The following AAMP variants were observed in gnomAD, a reference collection of about 807,000 sequenced individuals.
The protein encoded by AAMP is angio associated migratory cell protein, also known as angio-associated migratory cell protein.
In AAMP, 12 loss-of-function variants were observed where a neutral mutation model predicts 51.1. The ratio of observed to expected loss-of-function variants is 0.23; its 90% CI spans 0.15 to 0.38. The LOEUF is 0.38. Among genes scored for constraint, AAMP ranks in the 10% least tolerant of loss-of-function variants. AAMP has a pLI of 1.00. For synonymous variants in AAMP, 210 were observed against 218.7 expected, an observed-to-expected ratio of 0.96 and a Z score of 0.35; for missense variants, 418 against 557.2, an observed-to-expected ratio of 0.75 and a Z score of 2.52.
At chr2:218,269,739 G>A (rs1310746638) in intron 1 of AAMP, 2 of 1,027,638 alleles carry the variant, frequency 1.9e-6, no homozygotes, top group Non-Finnish European at 2.8e-6. Flanking sequence ...GGGCCAAGGG[G>A]ATGATGGGAA....
In AAMP at chr2:218,266,754, G is replaced by A. The variant is rs1690639541; in HGVS notation, c.534+93C>T. 25 of 1,583,456 alleles carry A rather than the reference G, an allele frequency of 1.6e-5. No homozygotes were observed. Among genetic ancestry groups the A allele is most frequent in the Non-Finnish European group, 2.2e-5 (25 of 1,161,276 alleles). ...CTTGGGGCGCATTGGCTCAGAGCTG[G>A]CTTGGCGCAATAAAGGCAGAACTGG... On this transcript the variant is annotated intron_variant, in intron 4 of 10. Coordinates refer to ENST00000248450, the MANE Select transcript of AAMP (RefSeq NM_001087.5). The surrounding 1 kb of genome is among the most constrained non-coding windows in gnomAD (Gnocchi z 4.7).
rs1019489538 is a variant in AAMP at position 218,266,650 on chromosome 2, C to T, written c.535-63G>A. On this transcript the variant is annotated intron_variant, in intron 4 of 10. Transcript: ENST00000248450. The surrounding 1 kb of genome is among the most constrained non-coding windows in gnomAD (Gnocchi z 4.7). ...CCCCATCCCACCTAGAAGCCTGCCCCATGAGCTCCACCCAAGGTTTCCTGC... is the reference window on the plus strand; with the variant it reads ...CCCCATCCCACCTAGAAGCCTGCCCTATGAGCTCCACCCAAGGTTTCCTGC... 16 of 1,573,876 alleles carry T rather than the reference C, an allele frequency of 1.0e-5. No individual in the cohort carries two copies. The African/African-American group carries it at 1.4e-4, about 13-fold the overall frequency.
Position 218,270,118 on chromosome 2 carries a change from C to G in AAMP, c.-32G>C. On this transcript the variant is annotated 5_prime_UTR_variant, in exon 1 of 11. Coordinates refer to ENST00000248450, the MANE Select transcript of AAMP (RefSeq NM_001087.5). ...CAAGCGGCGGATCCACTTCTCTGGG[C>G]CCAAACGCCTCCCAGAGTCAGCTCT... The G allele has an allele frequency of 6.2e-7, 1 of 1,610,886 alleles. No homozygotes were observed. The highest frequency in any genetic ancestry group is 8.5e-7 in the Non-Finnish European group (1 of 1,178,372).
At position 218,266,972 on chromosome 2, in the gene AAMP, C is replaced by T; in HGVS notation, c.409G>A (p.Val137Met). 1.2e-6 allele frequency: 2 copies of T among 1,614,130 alleles called. No individual in the cohort carries two copies. The highest frequency in any genetic ancestry group is 1.7e-6 in the Non-Finnish European group (2 of 1,179,990). The part of the protein sequence containing the change: ...LFECAGHKDS[V>M]TCAGFSHDST... ...TCATGGCTGAAACCAGCACAAGTCACAGAGTCTTTATGGCCTTCAAAGAAA... is the reference window on the plus strand; with the variant it reads ...TCATGGCTGAAACCAGCACAAGTCATAGAGTCTTTATGGCCTTCAAAGAAA... The change falls in exon 4 of 11, where the codon GTG (valine) becomes ATG (methionine). Residue 137 changes from valine (V) to methionine (M), a missense_variant. Transcript: ENST00000248450. This position sits in a 1 kb window ranked among gnomAD's most constrained non-coding sequence, Gnocchi z 4.7.
chr2:218,265,543 C>A lies in AAMP; in HGVS notation c.983+36G>T, dbSNP rs762133951. 21 of 1,596,356 alleles carry A rather than the reference C, an allele frequency of 1.3e-5. No homozygotes were observed. Among genetic ancestry groups the A allele is most frequent in the Non-Finnish European group, 6.9e-6 (8 of 1,164,202 alleles). On this transcript the variant is annotated intron_variant, in intron 8 of 10. Coordinates refer to ENST00000248450, the MANE Select transcript of AAMP (RefSeq NM_001087.5). This position sits in a 1 kb window ranked among gnomAD's most constrained non-coding sequence, Gnocchi z 6.6. ...CGTCCTCCCGGGCCCCCAGCCCAGG[C>A]CCCTCCCACAAACCCCTTTCCCCAT...
At position 218,270,032 on chromosome 2, in the gene AAMP, G is replaced by C; in HGVS notation, c.55C>G (p.Leu19Val). 1 of 1,614,158 alleles carries C rather than the reference G, an allele frequency of 6.2e-7. No individual in the cohort carries two copies. The highest frequency in any genetic ancestry group is 8.5e-7 in the Non-Finnish European group (1 of 1,180,020). The change falls in exon 1 of 11, where the codon CTA becomes GTA. Residue 19 changes from leucine (L) to valine (V), a missense_variant. Coordinates refer to ENST00000248450, the MANE Select transcript of AAMP (RefSeq NM_001087.5). ...AAADTPPLET[L>V]SFHGDEEIIE... is the part of the protein sequence containing the mutation. ...ATCTCTTCATCACCATGGAAGCTTA[G>C]GGTCTCCAGTGGGGGGGTGTCAGCA... is the stretch of plus-strand genomic sequence containing the variant.
Position 218,270,131 on chromosome 2 carries a change from C to G in AAMP, c.-45G>C. 1.2e-6 allele frequency: 2 copies of G among 1,607,412 alleles called. No homozygotes were observed. The highest frequency in any genetic ancestry group is 1.1e-5 in the South Asian group (1 of 90,480). Reference sequence around the variant, plus strand: ...CACTTCTCTGGGCCCAAACGCCTCCCAGAGTCAGCTCTGCGCGACGACGCG... The same window carrying G: ...CACTTCTCTGGGCCCAAACGCCTCCGAGAGTCAGCTCTGCGCGACGACGCG... On this transcript the variant is annotated 5_prime_UTR_variant, in exon 1 of 11. Transcript: ENST00000248450.
At chr2:218,268,073 A>G (rs13386932) in intron 2 of AAMP, among the ~76,000 whole-genome samples, 6,047 of 151,842 alleles carry the variant, frequency 0.04, 174 homozygotes, top group Non-Finnish European at 0.063. Context: ...GGTTCAAGCA[A>G]TTCTCCTGCC....
chr2:218,265,527 GGGCCCCCAGCCCA>G lies in AAMP; in HGVS notation c.983+39_983+51del. ...GACTCACACGCCCTGCCGTCCTCCC[GGGCCCCCAGCCCA>G]GGCCCCTCCCACAAACCCCTTTCCC... On this transcript the variant is annotated intron_variant, in intron 8 of 10. Transcript: ENST00000248450. The surrounding 1 kb of genome is among the most constrained non-coding windows in gnomAD (Gnocchi z 6.6). 1 of 1,591,918 alleles carries G rather than the reference GGGCCCCCAGCCCA, an allele frequency of 6.3e-7. No individual in the cohort carries two copies. Among genetic ancestry groups the G allele is most frequent in the Non-Finnish European group, 8.6e-7 (1 of 1,160,896 alleles).
intron 1 of AAMP, 75 bp downstream of exon 1, chr2:218,269,891 A>T: frequency 1.3e-6 from 2 of 1,597,988 alleles, no homozygotes; most frequent in Admixed American, 3.4e-5. Context: ...TGTGGAGGGG[A>T]GCGGGGAAAA....
chr2:218,269,659 C>T (rs1250204851), intron 1 of AAMP, 125 bp from the exon 2 acceptor site: 6 of 1,502,104 alleles, frequency 4.0e-6, no homozygotes, highest in Non-Finnish European at 5.5e-6. Context: ...TCAGACACAC[C>T]GGGGTCCGCG....
Position 218,266,206 on chromosome 2 carries a change from G to T in AAMP, c.680-59C>A, listed in dbSNP as rs969211414. On this transcript the variant is annotated intron_variant, in intron 5 of 10. Transcript: ENST00000248450. This position sits in a 1 kb window ranked among gnomAD's most constrained non-coding sequence, Gnocchi z 4.7. ...GGCACGCTCACATACACTAAGCAAG[G>T]GAATGGGGAGAGGGAGAGGAAAGAA... 49 of 1,505,778 alleles carry T rather than the reference G, an allele frequency of 3.3e-5. No homozygotes were observed. The highest frequency in any genetic ancestry group is 4.5e-5 in the Non-Finnish European group (49 of 1,082,934). 93.3% of individuals were successfully genotyped at this position (1,505,778 alleles called of 1,614,324 possible). A position where few individuals can be genotyped will look rare whatever the true frequency, so the allele number is the denominator to read the frequency against.
chr2:218,264,678 G>T, intron 10 of AAMP, 70 bp from the exon 11 acceptor site: 7 of 1,361,900 alleles, frequency 5.1e-6, no homozygotes, highest in Non-Finnish European at 7.4e-6. Flanking sequence ...CCCTAGGGTG[G>T]GCTCCTCCAG....
At position 218,265,983 on chromosome 2, in the gene AAMP, T is replaced by C. The variant is rs3941672; in HGVS notation, c.764-37A>G. 2 of 1,609,600 alleles carry C rather than the reference T, an allele frequency of 1.2e-6. No homozygotes were observed. The highest frequency in any genetic ancestry group is 1.7e-6 in the Non-Finnish European group (2 of 1,176,006). On this transcript the variant is annotated intron_variant, in intron 6 of 10. Transcript: ENST00000248450. This position sits in a 1 kb window ranked among gnomAD's most constrained non-coding sequence, Gnocchi z 6.6. ...CAGGGAGGCAGCTCAGGCTTCGTCC[T>C]ACCTCCCCTCTGAGTCCTGCCCCAG...
At chr2:218,268,931 T>C (rs1038085154) in intron 2 of AAMP, among the ~76,000 whole-genome samples, 2 of 152,080 alleles carry the variant, frequency 1.3e-5, no homozygotes, top group Non-Finnish European at 2.9e-5. Flanking sequence ...ACTCCCGACC[T>C]TGTGATCCGC....
In AAMP at chr2:218,264,220, G is replaced by A. The variant is rs539467132; in HGVS notation, c.*313C>T. 4.5e-4 allele frequency: 182 copies of A among 403,798 alleles called. No homozygotes were observed. The highest frequency in any genetic ancestry group is 3.4e-3 in the Middle Eastern group (5 of 1,460). The allele number at this position is 403,798 out of a possible 1,614,324, so 25.0% of individuals were successfully genotyped here. On this transcript the variant is annotated 3_prime_UTR_variant, in exon 11 of 11. Coordinates refer to ENST00000248450, the MANE Select transcript of AAMP (RefSeq NM_001087.5). Reference sequence around the variant, plus strand: ...CCAGAGACTTGGGAAGGGAAAGAACGGGAACCTCAAACACCTACTCCCCAC... The same window carrying A: ...CCAGAGACTTGGGAAGGGAAAGAACAGGAACCTCAAACACCTACTCCCCAC...
chr2:218,269,473 G>T lies in AAMP; in HGVS notation c.183C>A (p.Asn61Lys), dbSNP rs377525669. The T allele has an allele frequency of 1.9e-6, 3 of 1,614,020 alleles. No individual in the cohort carries two copies. Among genetic ancestry groups the T allele is most frequent in the Admixed American group, 1.7e-5 (1 of 59,980 alleles). The change falls in exon 2 of 11, where the codon AAC (asparagine) becomes AAA (lysine). Residue 61 changes from asparagine to lysine, a missense_variant. By Grantham distance (94) the Asn-to-Lys change is moderately conservative (BLOSUM62 0). Coordinates refer to ENST00000248450, the MANE Select transcript of AAMP (RefSeq NM_001087.5). Reference protein sequence around the residue: ...DFEEEEEEEGNEEGWVLEPQE... With the variant: ...DFEEEEEEEGKEEGWVLEPQE... ...GGGGTTCTAGAACCCAGCCCTCTTC[G>T]TTGCCCTCTTCCTCCTCTTCTTCCT...
rs2106172588 is a variant in AAMP, at chr2:218,267,425, G to A, written c.394+69C>T. The A allele has an allele frequency of 6.3e-7, 1 of 1,592,448 alleles. No homozygotes were observed. Among genetic ancestry groups the A allele is most frequent in the East Asian group, 2.2e-5 (1 of 44,582 alleles). On this transcript the variant is annotated intron_variant, in intron 3 of 10. Coordinates refer to ENST00000248450, the MANE Select transcript of AAMP (RefSeq NM_001087.5). The surrounding 1 kb of genome is among the most constrained non-coding windows in gnomAD (Gnocchi z 4.6). ...AGTGGCTGTTGGATGCACAACCTCT[G>A]CAGGTCAGCCTCCTAAGATCTCCCA... is the stretch of plus-strand genomic sequence containing the variant.
In AAMP at chr2:218,265,183, A is replaced by G. The variant is rs1327689893; in HGVS notation, c.1075-9T>C. ...AGCTGCACGATGCCCGACTGCCCCG[A>G]GGAATGACAGAGGCAGGGCGGAGGT... On this transcript the variant is annotated splice_polypyrimidine_tract_variant and intron_variant, in intron 9 of 10. Coordinates refer to ENST00000248450, the MANE Select transcript of AAMP (RefSeq NM_001087.5). The surrounding 1 kb of genome is among the most constrained non-coding windows in gnomAD (Gnocchi z 6.6). 1 of 1,576,614 alleles carries G rather than the reference A, an allele frequency of 6.3e-7. No homozygotes were observed. The highest frequency in any genetic ancestry group is 1.3e-5 in the African/African-American group (1 of 74,250).
Sources: gnomAD v4.1 joint callset for allele counts (sites outside exome capture counted in the v4.1 genomes callset) on GRCh38, gnomAD v4.1.1 for gene constraint, Gnocchi (gnomAD v3.1) non-coding constraint, MANE v1.5 for transcripts, NCBI Gene and HGNC (gene_info 2026-07-23, HGNC 2026-07-21) for gene names.